The following HBS1L variants were observed in gnomAD, a reference collection of about 807,000 sequenced individuals.
The protein encoded by HBS1L is HBS1 like translational GTPase.
A neutral mutation model predicts 88.9 loss-of-function variants in HBS1L; 55 were observed. The ratio of observed to expected loss-of-function variants is 0.62; its 90% CI spans 0.50 to 0.77. HBS1L has a LOEUF of 0.77. Among genes scored for constraint, HBS1L ranks in the 30% least tolerant of loss-of-function variants. The pLI is 0.00. For synonymous variants in HBS1L, 267 were observed against 288.5 expected (o/e 0.93, Z 0.76); for missense variants, 741 against 829.3 (o/e 0.89, Z 1.31).
chr6:134,992,355 T>C (rs911108434), intron 8 of HBS1L, among the ~76,000 whole-genome samples: 1 of 152,200 alleles, frequency 6.6e-6, no homozygotes, highest in African/African-American at 2.4e-5. Context: ...TGCCTGGTGA[T>C]GTCATAGTCG....
Position 134,962,992 on chromosome 6 carries a change from A to G in HBS1L, c.*2287T>C, listed in dbSNP as rs1446028494. On this transcript the variant is annotated 3_prime_UTR_variant, in exon 18 of 18. Transcript: ENST00000367837. ...GCAAATAAAAAGATTGTACTTAAAC[A>G]CTATTGGAGAAGGAAGGAATGAATA... The G allele has an allele frequency of 1.3e-5, 2 of 152,192 alleles. No individual in the cohort carries two copies. The highest frequency in any genetic ancestry group is 2.9e-5 in the Non-Finnish European group (2 of 68,024). 9.4% of individuals were successfully genotyped at this position (152,192 alleles called of 1,614,324 possible).
At chr6:134,984,919 G>C (rs1774935591) in intron 12 of HBS1L, among the ~76,000 whole-genome samples, 1 of 152,060 alleles carries the variant, frequency 6.6e-6, no homozygotes, top group Non-Finnish European at 1.5e-5. Context: ...GTTACAGATG[G>C]GGAGGAAATG....
At chr6:134,983,723 A>G (rs552062522) in intron 12 of HBS1L, 1 of 152,478 alleles carries the variant, frequency 6.6e-6, no homozygotes, top group South Asian at 2.1e-4. Flanking sequence ...AGATTTGGGA[A>G]GCATCAAGAT....
In HBS1L at chr6:135,024,459, A is replaced by C. The variant is rs1180392756; in HGVS notation, c.430+15114T>G. ...CGTCTCAAAAAAAAAAAAAAAAAAA[A>C]AAACACAAAACAAGAATGATGTATG... On this transcript the variant is annotated intron_variant, in intron 4 of 17. Transcript: ENST00000367837. 6.0e-5 allele frequency among the ~76,000 whole-genome samples: 9 copies of C among 149,278 alleles called. No individual in the cohort carries two copies. The East Asian group carries it at 1.5e-3, about 26-fold the overall frequency.
In HBS1L at chr6:135,050,640, T is replaced by G. The variant is rs1427639212; in HGVS notation, c.51A>C (p.Glu17Asp). The G allele has an allele frequency of 1.3e-6, 2 of 1,583,984 alleles. No homozygotes were observed. Among genetic ancestry groups the G allele is most frequent in the Non-Finnish European group, 1.7e-6 (2 of 1,161,640 alleles). Reference sequence around the variant, plus strand: ...CAGACTGGCCGTAGAGATCATCATCTTCAAAATCTAAAATAAAGACAAAAG... The same window carrying G: ...CAGACTGGCCGTAGAGATCATCATCGTCAAAATCTAAAATAAAGACAAAAG... ...VRGYNYDEDF[E>D]DDDLYGQSVE... The change falls in exon 2 of 18, where the codon GAA (glutamate) becomes GAC (aspartate). Residue 17 changes from glutamate to aspartate, a missense_variant. Around this residue, in one of 3 missense-constraint regions of HBS1L, gnomAD observed 556 missense variants for 598.4 expected, o/e 0.93. Transcript: ENST00000367837.
chr6:135,026,336 T>C (rs943152467), intron 4 of HBS1L, among the ~76,000 whole-genome samples: 8 of 152,140 alleles, frequency 5.3e-5, no homozygotes, highest in Non-Finnish European at 1.0e-4. Context: ...GAGAGATCAA[T>C]ATACATTGTT....
At chr6:135,032,772 A>G (rs1776424445) in intron 4 of HBS1L, among the ~76,000 whole-genome samples, 1 of 152,160 alleles carries the variant, frequency 6.6e-6, no homozygotes, top group South Asian at 2.1e-4. Flanking sequence ...TGGTATGACA[A>G]TTAGTTACAT....
At chr6:134,979,491 G>T (rs552388833) in intron 13 of HBS1L, 1 of 443,274 alleles carries the variant, frequency 2.3e-6, no homozygotes, top group East Asian at 3.6e-5. Context: ...ACTTGTATTT[G>T]CCCATAAAAG....
At chr6:135,006,815 T>C (rs1222521794) in intron 4 of HBS1L, among the ~76,000 whole-genome samples, 2 of 152,040 alleles carry the variant, frequency 1.3e-5, no homozygotes, top group African/African-American at 4.8e-5. Flanking sequence ...GGTGTGCGTA[T>C]GTGCATGTGT....
At position 134,974,957 on chromosome 6, in the gene HBS1L, G is replaced by C. The variant is rs112028445; in HGVS notation, c.1797+3722C>G. ...AATCAAGGGCATCCAAATTGGAAAA[G>C]AGTAAGTCAAACTATCTCTGTTTGC... On this transcript the variant is annotated intron_variant, in intron 15 of 17. Coordinates refer to ENST00000367837, the MANE Select transcript of HBS1L (RefSeq NM_006620.4). Among the ~76,000 whole-genome samples the C allele has an allele frequency of 5.9e-3, 897 of 152,252 alleles. 9 individuals are homozygous for C. Among genetic ancestry groups the C allele is most frequent in the African/African-American group, 0.017 (720 of 41,544 alleles).
rs1020972954 is a variant in HBS1L, at chr6:134,962,931, C to G, written c.*2348G>C. The stretch of plus-strand genomic sequence containing the variant: ...ACAGTGGATCCTCGAAATAATATCA[C>G]CACTCCTTTCAACCACAATCAATCA... On this transcript the variant is annotated 3_prime_UTR_variant, in exon 18 of 18. Transcript: ENST00000367837. The G allele has an allele frequency of 6.6e-6, 1 of 152,144 alleles. No individual in the cohort carries two copies. Among genetic ancestry groups the G allele is most frequent in the African/African-American group, 2.4e-5 (1 of 41,424 alleles). 9.4% of individuals were successfully genotyped at this position (152,144 alleles called of 1,614,324 possible).
At chr6:135,014,190 A>C (rs1241706789) in intron 4 of HBS1L, among the ~76,000 whole-genome samples, 1 of 152,232 alleles carries the variant, frequency 6.6e-6, no homozygotes, top group Non-Finnish European at 1.5e-5. Flanking sequence ...CCTTCCAGGA[A>C]ACTAAGAGAA....
chr6:135,045,787 C>T (rs910004710), intron 2 of HBS1L, among the ~76,000 whole-genome samples: 5 of 151,330 alleles, frequency 3.3e-5, no homozygotes, highest in African/African-American at 1.2e-4. Flanking sequence ...TGAGGTGAGC[C>T]GAGATCGTGC....
Position 135,039,572 on chromosome 6 carries a change from C to G in HBS1L, c.430+1G>C. The G allele has an allele frequency of 1.2e-6, 2 of 1,612,350 alleles. No individual in the cohort carries two copies. Among genetic ancestry groups the G allele is most frequent in the Non-Finnish European group, 1.7e-6 (2 of 1,179,012 alleles). ...GTGAAAAAGAACAAGTAAAGGCATA[C>G]CTTTTGCTATCTTTCCTGTAGATAC... On this transcript the variant is annotated splice_donor_variant, in intron 4 of 17. Transcript: ENST00000367837. LOFTEE classifies it high-confidence loss of function.
chr6:135,032,533 T>C (rs929915703), intron 4 of HBS1L, among the ~76,000 whole-genome samples: 11 of 152,146 alleles, frequency 7.2e-5, no homozygotes, highest in Non-Finnish European at 1.2e-4. Context: ...TAAAACTGAC[T>C]TTATAACCAA....
In HBS1L at chr6:135,023,436, T is replaced by G. The variant is rs112921369; in HGVS notation, c.430+16137A>C. Among the ~76,000 whole-genome samples, 343 of 136,482 alleles carry G rather than the reference T, an allele frequency of 2.5e-3. 4 individuals are homozygous for G. Among genetic ancestry groups the G allele is most frequent in the African/African-American group, 8.4e-3 (320 of 38,182 alleles). The allele number at this position is 136,482 out of a possible 152,430, so 89.5% of individuals were successfully genotyped here. ...TCTAGCCTGGGCAACAGAGCGAGACTCCATCTCAAAAACAACAACAACAAA... is the reference window on the plus strand; with the variant it reads ...TCTAGCCTGGGCAACAGAGCGAGACGCCATCTCAAAAACAACAACAACAAA... On this transcript the variant is annotated intron_variant, in intron 4 of 17. Coordinates refer to ENST00000367837, the MANE Select transcript of HBS1L (RefSeq NM_006620.4).
At chr6:135,028,726 T>A (rs1205184547) in intron 4 of HBS1L, among the ~76,000 whole-genome samples, 3 of 152,124 alleles carry the variant, frequency 2.0e-5, no homozygotes, top group Non-Finnish European at 4.4e-5. Flanking sequence ...ATCATAAGAC[T>A]AGAACAATAC....
intron 2 of HBS1L, among the ~76,000 whole-genome samples, chr6:135,047,713 CTATG>C (rs1170322379): frequency 2.0e-5 from 3 of 152,194 alleles, no homozygotes; most frequent in African/African-American, 7.2e-5. Flanking sequence ...AATCCATTAA[CTATG>C]TATTAGAGAT....
intron 8 of HBS1L, among the ~76,000 whole-genome samples, chr6:134,992,387 C>T (rs1175215399): frequency 6.6e-6 from 1 of 152,112 alleles, no homozygotes. Flanking sequence ...TAGCACCATG[C>T]ATTACTCATG....
Sources: gnomAD v4.1 joint callset for allele counts (sites outside exome capture counted in the v4.1 genomes callset) on GRCh38, gnomAD v4.1.1 for gene constraint, gnomAD v4.1.1 regional missense constraint, MANE v1.5 for transcripts, NCBI Gene and HGNC (gene_info 2026-07-23, HGNC 2026-07-21) for gene names.